Variants in CHST8 observed in about 807,000 individuals in gnomAD.
CHST8 encodes the protein GALNAC-4-ST1.
CHST8 carries 10 observed loss-of-function variants against 15.0 expected under a neutral mutation model. The ratio of observed to expected loss-of-function variants is 0.67; its 90% CI spans 0.41 to 1.13. CHST8 has a LOEUF of 1.13. Among genes scored for constraint, CHST8 ranks in the 50% most tolerant of loss-of-function variants. The probability of loss-of-function intolerance (pLI) is 0.00; values close to 1 mark genes in which losing one functional copy is unlikely to be tolerated. For synonymous variants in CHST8, 259 were observed against 256.6 expected, an observed-to-expected ratio of 1.01 and a Z score of -0.09; for missense variants, 634 against 608.2, an observed-to-expected ratio of 1.04 and a Z score of -0.45.
intron 3 of CHST8, among the ~76,000 whole-genome samples, chr19:33,758,019 C>T (rs1395419219): frequency 6.6e-6 from 1 of 152,106 alleles, no homozygotes; most frequent in African/African-American, 2.4e-5. Flanking sequence ...CTATCCAGAC[C>T]CTCGGCAGGG....
chr19:33,705,848 A>T (rs1345448501), intron 3 of CHST8, among the ~76,000 whole-genome samples: 2 of 152,108 alleles, frequency 1.3e-5, no homozygotes, highest in African/African-American at 4.8e-5. Context: ...CAGTACTAGG[A>T]GAGGGACCCA....
At chr19:33,721,106 G>A (rs190671671) in intron 3 of CHST8, among the ~76,000 whole-genome samples, 61 of 152,338 alleles carry the variant, frequency 4.0e-4, no homozygotes, top group Middle Eastern at 6.8e-3. Context: ...CAAGGGAATC[G>A]TTCATTGGGA....
chr19:33,727,895 A>T (rs1173145049), intron 3 of CHST8, among the ~76,000 whole-genome samples: 1 of 151,962 alleles, frequency 6.6e-6, no homozygotes, highest in Non-Finnish European at 1.5e-5. Context: ...TGGGCCCTTC[A>T]CTCGGCTGGG....
At chr19:33,651,377 A>G (rs1972446136) in intron 1 of CHST8, among the ~76,000 whole-genome samples, 1 of 151,872 alleles carries the variant, frequency 6.6e-6, no homozygotes, top group African/African-American at 2.4e-5. Context: ...AAACTTAAAA[A>G]AAAGCGTCCT....
intron 2 of CHST8, among the ~76,000 whole-genome samples, chr19:33,682,146 G>A (rs555380159): frequency 2.7e-5 from 4 of 149,380 alleles, no homozygotes; most frequent in East Asian, 2.0e-4. Context: ...GTGAGCCACC[G>A]TGCCTGGTGT....
intron 1 of CHST8, among the ~76,000 whole-genome samples, chr19:33,643,525 C>T (rs1302219139): frequency 2.0e-5 from 3 of 152,190 alleles, no homozygotes; most frequent in African/African-American, 7.2e-5. Context: ...CACACATATG[C>T]CGCAGGTGCG....
intron 2 of CHST8, among the ~76,000 whole-genome samples, chr19:33,688,903 CT>C (rs796212328): frequency 2.0e-5 from 3 of 152,242 alleles, no homozygotes; most frequent in African/African-American, 7.2e-5. Flanking sequence ...CCCAACTGGG[CT>C]CCCCAAGGCA....
intron 3 of CHST8, among the ~76,000 whole-genome samples, chr19:33,720,844 T>A (rs1423068163): frequency 6.6e-6 from 1 of 152,236 alleles, no homozygotes; most frequent in Admixed American, 6.5e-5. Context: ...CTGGGGCCAG[T>A]TCAGGGGCTT....
intron 1 of CHST8, among the ~76,000 whole-genome samples, chr19:33,641,237 C>G (rs1302457201): frequency 2.0e-5 from 3 of 152,216 alleles, no homozygotes; most frequent in African/African-American, 2.4e-5. Flanking sequence ...GATCCTGGCT[C>G]TTAGGGACTT....
At chr19:33,635,201 G>A (rs4584952) in intron 1 of CHST8, among the ~76,000 whole-genome samples, 7,044 of 152,220 alleles carry the variant, frequency 0.046, 461 homozygotes, top group Admixed American at 0.19. Flanking sequence ...AGGCAGAAGG[G>A]CCATTCCTGT....
intron 3 of CHST8, among the ~76,000 whole-genome samples, chr19:33,695,821 C>CTTTTTT (rs55695414): frequency 1.0e-3 from 76 of 76,222 alleles, no homozygotes; most frequent in Non-Finnish European, 1.4e-3. Context: ...TTCTTTCTTT[C>CTTTTTT]TTTTTTTTTT....
At chr19:33,694,765 AG>A (rs1568331390) in intron 3 of CHST8, among the ~76,000 whole-genome samples, 1 of 152,132 alleles carries the variant, frequency 6.6e-6, no homozygotes. Flanking sequence ...TTTTTAGTAG[AG>A]ACGGGGTTTT....
chr19:33,702,808 T>C (rs1263140495), intron 3 of CHST8, among the ~76,000 whole-genome samples: 3 of 152,148 alleles, frequency 2.0e-5, no homozygotes, highest in South Asian at 4.1e-4. Flanking sequence ...CCAGAATGCA[T>C]TGGAGGGACC....
rs374640293 is a variant in CHST8, at chr19:33,679,399, C to T, written c.-86-9777C>T. On this transcript the variant is annotated intron_variant, in intron 2 of 4. Transcript: ENST00000650847. The stretch of plus-strand genomic sequence containing the variant: ...AGAGATGCTCTCCAGGCTGTACTGT[C>T]GAGGGAACTTTTAACCCAAATAATT... 1.1e-4 allele frequency among the ~76,000 whole-genome samples: 17 copies of T among 152,284 alleles called. No homozygotes were observed. The East Asian group carries it at 1.5e-3, about 14-fold the overall frequency.
chr19:33,690,064 C>T (rs1007226965), intron 3 of CHST8, among the ~76,000 whole-genome samples: 1 of 152,124 alleles, frequency 6.6e-6, no homozygotes, highest in African/African-American at 2.4e-5. Flanking sequence ...GGTCCCCATC[C>T]CCAGAGATAT....
intron 2 of CHST8, among the ~76,000 whole-genome samples, chr19:33,668,812 G>C (rs181768412): frequency 6.6e-6 from 1 of 152,092 alleles, no homozygotes; most frequent in African/African-American, 2.4e-5. Flanking sequence ...CGTGACACTC[G>C]TATTAGGATA....
Position 33,772,210 on chromosome 19 carries a change from C to A in CHST8, c.422C>A (p.Thr141Lys). Reference protein sequence around the residue: ...DAPFIRPGPGTLDGRWVSLHR... With the variant: ...DAPFIRPGPGKLDGRWVSLHR... Reference sequence around the variant, plus strand: ...CCCTTCATCCGGCCGGGACCCGGGACGCTGGATGGCCGCTGGGTCAGCCTG... The same window carrying A: ...CCCTTCATCCGGCCGGGACCCGGGAAGCTGGATGGCCGCTGGGTCAGCCTG... Residue 141 changes from threonine (T) to lysine (K), a missense_variant, in exon 5 of 5, where the codon ACG becomes AAG. Coordinates refer to ENST00000650847, the MANE Select transcript of CHST8 (RefSeq NM_001127895.2). The A allele has an allele frequency of 6.3e-7, 1 of 1,594,570 alleles. No individual in the cohort carries two copies. The highest frequency in any genetic ancestry group is 8.5e-7 in the Non-Finnish European group (1 of 1,174,192).
chr19:33,730,795 T>C (rs1273400184), intron 3 of CHST8, among the ~76,000 whole-genome samples: 1 of 152,018 alleles, frequency 6.6e-6, no homozygotes, highest in Non-Finnish European at 1.5e-5. Flanking sequence ...CCAGTCTGAG[T>C]CCCAAAACTT....
At chr19:33,632,137 C>CTT (rs1186087732) in intron 1 of CHST8, among the ~76,000 whole-genome samples, 7 of 132,776 alleles carry the variant, frequency 5.3e-5, no homozygotes, top group Admixed American at 2.5e-4. Flanking sequence ...CTCTCTCTCT[C>CTT]TCTTTTTTTT....
Sources: gnomAD v4.1 joint callset for allele counts (sites outside exome capture counted in the v4.1 genomes callset) on GRCh38, gnomAD v4.1.1 for gene constraint, MANE v1.5 for transcripts, NCBI Gene and HGNC (gene_info 2026-07-23, HGNC 2026-07-21) for gene names.